LOC400499: variants seen among roughly 807,000 people sequenced by gnomAD.
the LOC400499 span, among the ~76,000 whole-genome samples, chr16:11,459,341 C>A: frequency 6.6e-6 from 1 of 151,650 alleles, no homozygotes; most frequent in East Asian, 2.0e-4. Context: ...GGGCTACAGG[C>A]ACCTGCCCCC....
At chr16:11,449,116 A>G in the LOC400499 span, 35 of 1,443,264 alleles carry the variant, frequency 2.4e-5, no homozygotes, top group Non-Finnish European at 3.2e-5. Flanking sequence ...ACCTGCAATG[A>G]GGTGAGGAGG....
the LOC400499 span, among the ~76,000 whole-genome samples, chr16:11,519,218 G>A: frequency 3.9e-5 from 6 of 152,280 alleles, no homozygotes; most frequent in Admixed American, 3.3e-4. Flanking sequence ...TGCCCAAAAA[G>A]ACGCTGGAAG....
At chr16:11,468,127 C>CA in the LOC400499 span, among the ~76,000 whole-genome samples, 1 of 120,206 alleles carries the variant, frequency 8.3e-6, no homozygotes, top group Non-Finnish European at 2.0e-5. Flanking sequence ...ACAATAACAA[C>CA]AAAAAACACC....
the LOC400499 span, chr16:11,469,379 T>C: frequency 2.5e-6 from 1 of 398,870 alleles, no homozygotes; most frequent in Non-Finnish European, 4.4e-6. Context: ...ACCTGTAAAA[T>C]GGGGCTGGAT....
the LOC400499 span, among the ~76,000 whole-genome samples, chr16:11,436,168 G>A: frequency 1.3e-5 from 2 of 152,152 alleles, no homozygotes; most frequent in African/African-American, 2.4e-5. Context: ...GCACTGAAAG[G>A]GTCACATATG....
At chr16:11,422,049 C>T in the LOC400499 span, among the ~76,000 whole-genome samples, 15 of 152,360 alleles carry the variant, frequency 9.8e-5, no homozygotes, top group Admixed American at 7.8e-4. Context: ...TCTCCGCCTG[C>T]CCCCAAAGTC....
chr16:11,425,200 C>A, the LOC400499 span: 1 of 399,038 alleles, frequency 2.5e-6, no homozygotes, highest in Middle Eastern at 6.3e-4. Context: ...CAGGAGCAGG[C>A]GCCACCCAGA....
the LOC400499 span, chr16:11,401,152 G>C: frequency 5.0e-6 from 2 of 398,012 alleles, no homozygotes; most frequent in Admixed American, 4.4e-5. Context: ...AGAAGTCTTT[G>C]TCACTGATGA....
chr16:11,446,616 A>G, the LOC400499 span: 1 of 1,536,108 alleles, frequency 6.5e-7, no homozygotes, highest in South Asian at 1.2e-5. Context: ...CATCGTATGG[A>G]TGCATCAGAC....
At chr16:11,463,778 G>C in the LOC400499 span, among the ~76,000 whole-genome samples, 1 of 152,042 alleles carries the variant, frequency 6.6e-6, no homozygotes, top group African/African-American at 2.4e-5. Context: ...CGTATATACA[G>C]ATGTGTCTAC....
the LOC400499 span, among the ~76,000 whole-genome samples, chr16:11,378,541 G>A: frequency 6.6e-6 from 1 of 152,184 alleles, no homozygotes. Flanking sequence ...TGGGATTACA[G>A]GTGGAGCCAC....
chr16:11,460,708 C>T, the LOC400499 span: 1 of 1,429,560 alleles, frequency 7.0e-7, no homozygotes, highest in African/African-American at 1.4e-5. Flanking sequence ...TGGCCTCAGC[C>T]ACACCCCCCA....
the LOC400499 span, among the ~76,000 whole-genome samples, chr16:11,452,447 G>T: frequency 1.3e-5 from 2 of 152,140 alleles, no homozygotes; most frequent in African/African-American, 4.8e-5. Context: ...ACCTAGAGCT[G>T]ACCACACGCG....
chr16:11,476,834 C>T, the LOC400499 span: 5 of 399,380 alleles, frequency 1.3e-5, no homozygotes, highest in East Asian at 3.6e-5. Flanking sequence ...CCCTTCTGCA[C>T]CTGGATCCCG....
At chr16:11,384,242 G>A in the LOC400499 span, 1 of 1,232,340 alleles carries the variant, frequency 8.1e-7, no homozygotes, top group Non-Finnish European at 1.0e-6. Context: ...AGCTCCTCCA[G>A]GCTGCGGGCC....
At chr16:11,418,082 C>T in the LOC400499 span, among the ~76,000 whole-genome samples, 1 of 152,156 alleles carries the variant, frequency 6.6e-6, no homozygotes. Flanking sequence ...GTGGGGCAGG[C>T]AGGGGAGAGT....
the LOC400499 span, among the ~76,000 whole-genome samples, chr16:11,463,527 T>C: frequency 1.3e-5 from 2 of 152,008 alleles, no homozygotes; most frequent in South Asian, 4.2e-4. Context: ...TACATGGATG[T>C]GTCTGTATGT....
At chr16:11,493,218 G>C in the LOC400499 span, among the ~76,000 whole-genome samples, 5 of 152,220 alleles carry the variant, frequency 3.3e-5, no homozygotes, top group East Asian at 7.7e-4. Context: ...TAAAGGGACA[G>C]AGAACTCTTT....
the LOC400499 span, among the ~76,000 whole-genome samples, chr16:11,480,424 G>T: frequency 6.6e-6 from 1 of 152,104 alleles, no homozygotes; most frequent in Non-Finnish European, 1.5e-5. Context: ...GTGACCAAGC[G>T]AACCAATGCC....
Sources: allele counts gnomAD v4.1 joint callset (sites outside exome capture counted in the v4.1 genomes callset), GRCh38; gene constraint gnomAD v4.1.1; transcripts MANE v1.5.